Variants in STARD13 observed in about 807,000 individuals in gnomAD.
The protein encoded by STARD13 is StAR related lipid transfer domain containing 13, also known as stAR-related lipid transfer protein 13.
STARD13 carries 62 observed loss-of-function variants against 106.4 expected under a neutral mutation model. The observed-to-expected ratio is 0.58, with a 90% CI of 0.48 to 0.72. STARD13 has a LOEUF of 0.72. STARD13 is among the 30% of genes least tolerant of loss of function. STARD13 has a pLI of 0.00. For missense variants in STARD13, 1,387 were observed against 1,424.0 expected (o/e 0.97, Z 0.42); for synonymous variants, 565 against 553.0 (o/e 1.02, Z -0.31).
At chr13:33,337,820 A>T (rs1267998509) in intron 1 of STARD13, among the ~76,000 whole-genome samples, 1 of 152,194 alleles carries the variant, frequency 6.6e-6, no homozygotes, top group East Asian at 1.9e-4. Flanking sequence ...CAGCTACATC[A>T]TTTGCAGGGT....
At chr13:33,448,456 A>G in the STARD13 span, among the ~76,000 whole-genome samples, 17 of 152,166 alleles carry the variant, frequency 1.1e-4, no homozygotes, top group Non-Finnish European at 2.4e-4. Context: ...TTATGGCTGA[A>G]TAGTATTCCA....
upstream of STARD13, among the ~76,000 whole-genome samples, chr13:33,354,700 G>A (rs1323132734): frequency 6.6e-6 from 1 of 151,880 alleles, no homozygotes; most frequent in Non-Finnish European, 1.5e-5. Context: ...TAAATTTTAA[G>A]GATGCTTATG....
the STARD13 span, among the ~76,000 whole-genome samples, chr13:33,493,606 G>A: frequency 8.6e-3 from 1,312 of 152,178 alleles, 24 homozygotes; most frequent in African/African-American, 0.027. Context: ...GTGGGGGTGC[G>A]CAGTATTTGG....
chr13:33,624,242 C>CA, the STARD13 span, among the ~76,000 whole-genome samples: 1 of 152,176 alleles, frequency 6.6e-6, no homozygotes, highest in African/African-American at 2.4e-5. Flanking sequence ...AACAAGAGAA[C>CA]AGATAAACAA....
At chr13:33,241,669 T>C (rs1425198353) in intron 1 of STARD13, among the ~76,000 whole-genome samples, 3 of 150,822 alleles carry the variant, frequency 2.0e-5, no homozygotes, top group Non-Finnish European at 4.4e-5. Flanking sequence ...GCCTGCCCAA[T>C]GCCTGGGATT....
Position 33,177,741 on chromosome 13 carries a change from A to C in STARD13, c.170-10119T>G, listed in dbSNP as rs1884668691. 3.4e-5 allele frequency among the ~76,000 whole-genome samples: 4 copies of C among 117,704 alleles called. 1 individual carries two copies. Among genetic ancestry groups the C allele is most frequent in the South Asian group, 2.7e-4 (1 of 3,724 alleles). 77.2% of individuals were successfully genotyped at this position (117,704 alleles called of 152,430 possible). ...GAAGGAGGGAGAAAGGGAGGGAGGA[A>C]GGAAGGAAAAAAGGAAGGAAGGAAG... On this transcript the variant is annotated intron_variant, in intron 1 of 13. Transcript: ENST00000336934.
At chr13:33,605,289 C>T in the STARD13 span, among the ~76,000 whole-genome samples, 1 of 150,916 alleles carries the variant, frequency 6.6e-6, no homozygotes, top group African/African-American at 2.4e-5. Flanking sequence ...CAGAGTGTTG[C>T]TCAGGCTGCT....
intron 1 of STARD13, among the ~76,000 whole-genome samples, chr13:33,272,207 G>C (rs1213543266): frequency 6.6e-6 from 1 of 152,176 alleles, no homozygotes; most frequent in Non-Finnish European, 1.5e-5. Context: ...CACCAGAAGT[G>C]TTTCAGATTT....
intron 1 of STARD13, among the ~76,000 whole-genome samples, chr13:33,198,587 C>T (rs957932124): frequency 9.2e-5 from 14 of 152,206 alleles, no homozygotes; most frequent in Non-Finnish European, 1.6e-4. Context: ...TATTCCTTCT[C>T]TTTATCAGTT....
At chr13:33,189,485 G>A (rs1224974599) in intron 1 of STARD13, among the ~76,000 whole-genome samples, 4 of 148,248 alleles carry the variant, frequency 2.7e-5, no homozygotes, top group East Asian at 2.0e-4. Context: ...CTGGTTTGTC[G>A]TCCTTTCAAA....
chr13:33,643,829 C>G, the STARD13 span, among the ~76,000 whole-genome samples: 1 of 152,216 alleles, frequency 6.6e-6, no homozygotes, highest in African/African-American at 2.4e-5. Flanking sequence ...AGTGAACTCT[C>G]CATGCCCTCC....
intron 1 of STARD13, among the ~76,000 whole-genome samples, chr13:33,342,256 G>A (rs2077969173): frequency 6.6e-6 from 1 of 152,190 alleles, no homozygotes. Flanking sequence ...GCTAAGCTTT[G>A]TTTGATCAGA....
At chr13:33,547,909 T>G in the STARD13 span, among the ~76,000 whole-genome samples, 1 of 152,264 alleles carries the variant, frequency 6.6e-6, no homozygotes, top group South Asian at 2.1e-4. Context: ...AAATAAAAAG[T>G]TTGTTAGGAA....
the STARD13 span, among the ~76,000 whole-genome samples, chr13:33,558,448 T>C: frequency 6.6e-6 from 1 of 152,204 alleles, no homozygotes; most frequent in African/African-American, 2.4e-5. Context: ...TTTTAAAATA[T>C]GGCCCTGTTG....
chr13:33,582,361 AGAGAT>A, the STARD13 span, among the ~76,000 whole-genome samples: 1 of 152,218 alleles, frequency 6.6e-6, no homozygotes, highest in Non-Finnish European at 1.5e-5. Context: ...GTTGCCTAAT[AGAGAT>A]GAGTAGTTGG....
chr13:33,359,745 A>C, the STARD13 span, among the ~76,000 whole-genome samples: 1 of 152,180 alleles, frequency 6.6e-6, no homozygotes, highest in Non-Finnish European at 1.5e-5. Context: ...ATAATGGCCA[A>C]AGTTGTCCCT....
chr13:33,548,702 TCAA>T, the STARD13 span, among the ~76,000 whole-genome samples: 1 of 152,190 alleles, frequency 6.6e-6, no homozygotes, highest in African/African-American at 2.4e-5. Context: ...CTTGGAGAAT[TCAA>T]CAATGTTTGC....
chr13:33,200,999 C>G (rs1224415115), intron 1 of STARD13, among the ~76,000 whole-genome samples: 1 of 151,226 alleles, frequency 6.6e-6, no homozygotes, highest in Non-Finnish European at 1.5e-5. Flanking sequence ...GCACTCCAGC[C>G]TGGGTGACAG....
intron 1 of STARD13, among the ~76,000 whole-genome samples, chr13:33,273,714 G>A (rs557901458): frequency 7.9e-5 from 12 of 152,292 alleles, no homozygotes; most frequent in Admixed American, 3.3e-4. Context: ...GAATTAGTAC[G>A]AGAGCTTAGT....
Sources: gnomAD v4.1 joint callset for allele counts (sites outside exome capture counted in the v4.1 genomes callset) on GRCh38, gnomAD v4.1.1 for gene constraint, MANE v1.5 for transcripts, NCBI Gene and HGNC (gene_info 2026-07-23, HGNC 2026-07-21) for gene names.